Variants in CRTC3 observed in about 807,000 individuals in gnomAD.
CRTC3 encodes the protein CREB regulated transcription coactivator 3.
A neutral mutation model predicts 74.5 loss-of-function variants in CRTC3; 26 were observed. That is an observed-to-expected ratio of 0.35 (90% CI 0.26 to 0.48). The LOEUF (loss-of-function observed/expected upper bound fraction) is 0.48, where lower values mean the gene tolerates loss of function less well. Ranked by LOEUF, CRTC3 falls within the 20% of genes least tolerant of loss-of-function variation. The pLI is 0.99. For missense variants in CRTC3, 760 were observed against 787.3 expected (o/e 0.97, Z 0.41); for synonymous variants, 377 against 325.8 (o/e 1.16, Z -1.69).
intron 2 of CRTC3, among the ~76,000 whole-genome samples, chr15:90,573,417 A>G (rs989455031): frequency 1.3e-5 from 2 of 152,104 alleles, no homozygotes; most frequent in Admixed American, 6.6e-5. Flanking sequence ...GCTGTGTTAC[A>G]ATTTCTAGTA....
intron 9 of CRTC3, among the ~76,000 whole-genome samples, chr15:90,623,744 G>A (rs1384776745): frequency 2.6e-5 from 4 of 152,064 alleles, no homozygotes; most frequent in African/African-American, 9.7e-5. Context: ...CACTGGCGTC[G>A]TGTCAGCCTC....
At chr15:90,558,264 C>G (rs964534341) in intron 2 of CRTC3, among the ~76,000 whole-genome samples, 2 of 152,126 alleles carry the variant, frequency 1.3e-5, no homozygotes, top group Non-Finnish European at 2.9e-5. Context: ...TTGCAAGAGC[C>G]TCCTGACTGG....
At chr15:90,621,863 A>G (rs1192241515) in intron 9 of CRTC3, among the ~76,000 whole-genome samples, 1 of 152,176 alleles carries the variant, frequency 6.6e-6, no homozygotes, top group African/African-American at 2.4e-5. Context: ...TGACCCCCTA[A>G]TTCTTGGCAC....
intron 1 of CRTC3, among the ~76,000 whole-genome samples, chr15:90,533,306 C>T (rs1284152790): frequency 6.8e-6 from 1 of 146,646 alleles, no homozygotes; most frequent in Non-Finnish European, 1.5e-5. Flanking sequence ...CGGGAGGCTG[C>T]GGCAGGAGGG....
chr15:90,634,029 T>C (rs1360107685), intron 11 of CRTC3, among the ~76,000 whole-genome samples: 1 of 152,176 alleles, frequency 6.6e-6, no homozygotes, highest in Non-Finnish European at 1.5e-5. Context: ...ATCTTTATTT[T>C]CTATAATAGA....
At chr15:90,561,839 G>C (rs1967017653) in intron 2 of CRTC3, among the ~76,000 whole-genome samples, 1 of 152,160 alleles carries the variant, frequency 6.6e-6, no homozygotes, top group African/African-American at 2.4e-5. Context: ...TTATGAAACA[G>C]CTAGTTTTTA....
At chr15:90,620,400 T>C (rs920899227) in intron 9 of CRTC3, among the ~76,000 whole-genome samples, 3 of 152,154 alleles carry the variant, frequency 2.0e-5, no homozygotes, top group Admixed American at 6.5e-5. Flanking sequence ...GATTTAATAG[T>C]ATGCAACTTC....
intron 14 of CRTC3, among the ~76,000 whole-genome samples, 190 bp from the exon 15 acceptor site, chr15:90,641,742 C>G (rs983243142): frequency 4.1e-4 from 63 of 152,004 alleles, no homozygotes; most frequent in African/African-American, 1.4e-3. Context: ...AGGAAAAAAC[C>G]TGCAAAAATT....
In CRTC3 at chr15:90,641,174, GAGT is replaced by G; in HGVS notation, c.1627_1629del (p.Ser543del). 6.2e-7 allele frequency: 1 copy of G among 1,613,640 alleles called. No homozygotes were observed. Among genetic ancestry groups the G allele is most frequent in the Non-Finnish European group, 8.5e-7 (1 of 1,179,632 alleles). ...GACCAAGCCCGTATTCCAACTGCGGGAGTCTCCCGAACACCATCCTGCCAGGTG... is the reference window on the plus strand; with the variant it reads ...GACCAAGCCCGTATTCCAACTGCGGGCTCCCGAACACCATCCTGCCAGGTG... On this transcript the variant is annotated inframe_deletion, in exon 14 of 15. Transcript: ENST00000268184.
At chr15:90,539,079 C>T (rs531147704) in intron 1 of CRTC3, among the ~76,000 whole-genome samples, 1 of 152,216 alleles carries the variant, frequency 6.6e-6, no homozygotes, top group South Asian at 2.1e-4. Flanking sequence ...TTGTTAGAGA[C>T]AGAGAGTGAT....
At chr15:90,621,154 G>A (rs1391534037) in intron 9 of CRTC3, among the ~76,000 whole-genome samples, 3 of 116,622 alleles carry the variant, frequency 2.6e-5, no homozygotes, top group Non-Finnish European at 6.0e-5. Context: ...CTGGTAAAAT[G>A]GAAATTTGGA....
chr15:90,556,959 T>C (rs898626756), intron 2 of CRTC3, among the ~76,000 whole-genome samples: 3 of 1,882 alleles, frequency 1.6e-3, no homozygotes, highest in Non-Finnish European at 4.7e-3. Context: ...ACCACATGGC[T>C]ATATATATAT....
intron 2 of CRTC3, among the ~76,000 whole-genome samples, chr15:90,570,609 A>G (rs1967241497): frequency 6.6e-6 from 1 of 152,210 alleles, no homozygotes; most frequent in Non-Finnish European, 1.5e-5. Flanking sequence ...TAAACAAATC[A>G]TGGTTCTTTA....
intron 1 of CRTC3, among the ~76,000 whole-genome samples, chr15:90,538,073 G>C (rs1263994071): frequency 1.3e-5 from 2 of 152,206 alleles, no homozygotes; most frequent in East Asian, 3.8e-4. Flanking sequence ...ACTCTCTGAA[G>C]GCAGGAACTT....
intron 11 of CRTC3, among the ~76,000 whole-genome samples, chr15:90,630,214 G>C (rs968259079): frequency 6.6e-6 from 1 of 152,174 alleles, no homozygotes; most frequent in Non-Finnish European, 1.5e-5. Context: ...AGTTGGCATG[G>C]AAAATCAGTC....
chr15:90,592,581 T>G (rs964514474), intron 2 of CRTC3, among the ~76,000 whole-genome samples: 1 of 152,202 alleles, frequency 6.6e-6, no homozygotes, highest in African/African-American at 2.4e-5. Context: ...TAAAAAGGAT[T>G]TTGGATTTAT....
chr15:90,618,929 A>G (rs1313861247), intron 8 of CRTC3, among the ~76,000 whole-genome samples: 3 of 152,158 alleles, frequency 2.0e-5, no homozygotes, highest in Non-Finnish European at 4.4e-5. Context: ...TTCTCCACCA[A>G]AGAGGGCAGT....
chr15:90,597,103 T>C (rs891378419), intron 3 of CRTC3, among the ~76,000 whole-genome samples: 3 of 152,202 alleles, frequency 2.0e-5, no homozygotes, highest in African/African-American at 7.2e-5. Flanking sequence ...CAGCTGCAGC[T>C]GGGCCCTGGC....
intron 2 of CRTC3, among the ~76,000 whole-genome samples, chr15:90,542,277 C>G (rs1966815674): frequency 6.7e-6 from 1 of 149,852 alleles, no homozygotes; most frequent in Non-Finnish European, 1.5e-5. Context: ...CTCCTGAGTT[C>G]AAGAGATTCT....
Sources: gnomAD v4.1 joint callset for allele counts (sites outside exome capture counted in the v4.1 genomes callset) on GRCh38, gnomAD v4.1.1 for gene constraint, MANE v1.5 for transcripts, NCBI Gene and HGNC (gene_info 2026-07-23, HGNC 2026-07-21) for gene names.